Variants in AKR1D1 observed in about 807,000 individuals in gnomAD.
AKR1D1 encodes the protein aldo-keto reductase family 1 member D1.
AKR1D1 carries 32 observed loss-of-function variants against 42.6 expected under a neutral mutation model. That is an observed-to-expected ratio of 0.75 (90% confidence interval 0.57 to 1.01). The LOEUF (loss-of-function observed/expected upper bound fraction) is 1.01, where lower values mean the gene tolerates loss of function less well. Among genes scored for constraint, AKR1D1 ranks in the 50% least tolerant of loss-of-function variants. The pLI is 0.00. For missense variants in AKR1D1, 364 were observed against 402.2 expected, an observed-to-expected ratio of 0.91 and a Z score of 0.81; for synonymous variants, 123 against 135.5, an observed-to-expected ratio of 0.91 and a Z score of 0.64.
intron 1 of AKR1D1, among the ~76,000 whole-genome samples, chr7:138,086,172 C>T (rs557605350): frequency 7.9e-5 from 12 of 152,140 alleles, no homozygotes; most frequent in African/African-American, 2.9e-4. Flanking sequence ...CATTGCACTC[C>T]AGCCTGGGTG....
intron 4 of AKR1D1, among the ~76,000 whole-genome samples, chr7:138,102,540 G>C (rs1585735759): frequency 1.3e-5 from 2 of 152,176 alleles, no homozygotes; most frequent in South Asian, 4.1e-4. Flanking sequence ...CCCAGCCTCA[G>C]TGACAGAGCA....
intron 7 of AKR1D1, among the ~76,000 whole-genome samples, chr7:138,110,656 GGC>G (rs1428166881): frequency 6.6e-6 from 1 of 152,114 alleles, no homozygotes; most frequent in Non-Finnish European, 1.5e-5. Flanking sequence ...AGGAGGCTGA[GGC>G]AGGAGAATCG....
chr7:138,078,642 A>T (rs1802989946), intron 1 of AKR1D1, among the ~76,000 whole-genome samples: 1 of 152,184 alleles, frequency 6.6e-6, no homozygotes, highest in Non-Finnish European at 1.5e-5. Flanking sequence ...ATTGTTTGTT[A>T]TCTCTCCCCC....
intron 7 of AKR1D1, among the ~76,000 whole-genome samples, chr7:138,111,694 G>C (rs972692053): frequency 1.3e-5 from 2 of 152,144 alleles, no homozygotes; most frequent in African/African-American, 4.8e-5. Context: ...ACATGACACA[G>C]AAATAATGTA....
At chr7:138,110,656 G>A (rs1458795583) in intron 7 of AKR1D1, among the ~76,000 whole-genome samples, 1 of 152,114 alleles carries the variant, frequency 6.6e-6, no homozygotes, top group Non-Finnish European at 1.5e-5. Context: ...AGGAGGCTGA[G>A]GCAGGAGAAT....
intron 3 of AKR1D1, among the ~76,000 whole-genome samples, chr7:138,096,621 CTTTCATCCTG>C (rs1398910366): frequency 6.6e-6 from 1 of 152,312 alleles, no homozygotes. Context: ...TCAACAAAGA[CTTTCATCCTG>C]CCAAATTCAA....
chr7:138,087,842 A>T (rs1476700078), intron 1 of AKR1D1, among the ~76,000 whole-genome samples: 3 of 150,274 alleles, frequency 2.0e-5, no homozygotes, highest in Non-Finnish European at 4.4e-5. Context: ...CAGTATAATT[A>T]TTTTGAGATT....
intron 7 of AKR1D1, among the ~76,000 whole-genome samples, 169 bp from the exon 8 acceptor site, chr7:138,113,521 G>C (rs561540829): frequency 9.2e-5 from 14 of 152,228 alleles, no homozygotes; most frequent in Admixed American, 2.0e-4. Context: ...ACAAAGGGCA[G>C]AACAGAGTAT....
chr7:138,107,569 G>T lies in AKR1D1; in HGVS notation c.844G>T (p.Glu282Ter). Residue 282 changes from glutamate to a stop codon, truncating the protein, a stop_gained, in exon 7 of 9, where the codon GAA (glutamate) becomes TAA (stop). Transcript: ENST00000242375. LOFTEE classifies it high-confidence loss of function. ...AAGCTTTAATCTTGAAAGGATCAAA[G>T]AAAATTTTCAGGTAAGAGAATTGCT... ...PKSFNLERIK[E>*]NFQIFDFSLT... 6.2e-7 allele frequency: 1 copy of T among 1,613,730 alleles called. No individual in the cohort carries two copies. Among genetic ancestry groups the T allele is most frequent in the Non-Finnish European group, 8.5e-7 (1 of 1,179,952 alleles).
intron 7 of AKR1D1, among the ~76,000 whole-genome samples, chr7:138,112,601 T>C (rs1315570918): frequency 6.6e-6 from 1 of 152,094 alleles, no homozygotes; most frequent in African/African-American, 2.4e-5. Context: ...GGAAGGGAAA[T>C]AAGAATGGGG....
intron 2 of AKR1D1, 88 bp from the exon 3 acceptor site, chr7:138,091,677 ATGT>A: frequency 9.6e-7 from 1 of 1,039,018 alleles, no homozygotes; most frequent in Admixed American, 1.8e-5. Context: ...AAAAAAAAAA[ATGT>A]GTACGAGTGT....
At chr7:138,111,531 A>G (rs1794536830) in intron 7 of AKR1D1, among the ~76,000 whole-genome samples, 2 of 152,190 alleles carry the variant, frequency 1.3e-5, no homozygotes, top group South Asian at 2.1e-4. Flanking sequence ...TTCTTCAAAC[A>G]TTTACTGAAA....
At chr7:138,103,639 A>AAC (rs1285552549) in intron 4 of AKR1D1, among the ~76,000 whole-genome samples, 1 of 152,118 alleles carries the variant, frequency 6.6e-6, no homozygotes, top group Admixed American at 6.5e-5. Context: ...GGTAAAAAAA[A>AAC]ACACACACTC....
At position 138,116,731 on chromosome 7, in the gene AKR1D1, A is replaced by G; in HGVS notation, c.*69A>G. The G allele has an allele frequency of 7.2e-7, 1 of 1,387,570 alleles. No homozygotes were observed. Among genetic ancestry groups the G allele is most frequent in the South Asian group, 1.2e-5 (1 of 85,816 alleles). The allele number at this position is 1,387,570 out of a possible 1,614,324, so 86.0% of individuals were successfully genotyped here. ...AAGACGGTGCAATGGGTAGTCCCCT[A>G]GATGTGAAAATGAAGAGAGAGGGTT... is the stretch of plus-strand genomic sequence containing the variant. On this transcript the variant is annotated 3_prime_UTR_variant, in exon 9 of 9. Coordinates refer to ENST00000242375, the MANE Select transcript of AKR1D1 (RefSeq NM_005989.4).
chr7:138,102,424 G>A (rs1031684168), intron 4 of AKR1D1, among the ~76,000 whole-genome samples: 4 of 152,014 alleles, frequency 2.6e-5, no homozygotes, highest in Admixed American at 6.6e-5. Flanking sequence ...ACAATTAGTC[G>A]TGCATGGGAG....
At chr7:138,107,890 C>T (rs1212396046) in intron 7 of AKR1D1, among the ~76,000 whole-genome samples, 1 of 151,754 alleles carries the variant, frequency 6.6e-6, no homozygotes, top group Non-Finnish European at 1.5e-5. Flanking sequence ...TGCTATATTG[C>T]CCAGGCTAGT....
chr7:138,116,727 C>A lies in AKR1D1; in HGVS notation c.*65C>A, dbSNP rs914648217. ...TGCCAAGACGGTGCAATGGGTAGTC[C>A]CCTAGATGTGAAAATGAAGAGAGAG... On this transcript the variant is annotated 3_prime_UTR_variant, in exon 9 of 9. Coordinates refer to ENST00000242375, the MANE Select transcript of AKR1D1 (RefSeq NM_005989.4). 3 of 1,406,156 alleles carry A rather than the reference C, an allele frequency of 2.1e-6. No individual in the cohort carries two copies. Among genetic ancestry groups the A allele is most frequent in the Middle Eastern group, 1.7e-4 (1 of 5,728 alleles). The allele number at this position is 1,406,156 out of a possible 1,614,324, so 87.1% of individuals were successfully genotyped here.
rs148100938 is a variant in AKR1D1 at position 138,110,271 on chromosome 7, AAAAAG to A, written c.855+2697_855+2701del. Among the ~76,000 whole-genome samples, 1,405 of 152,306 alleles carry A rather than the reference AAAAAG, an allele frequency of 9.2e-3. 21 individuals carry two copies. Among genetic ancestry groups the A allele is most frequent in the African/African-American group, 0.032 (1,319 of 41,568 alleles). Reference sequence around the variant, plus strand: ...AAGGGAAAAATAAATATTTTGATGAAAAAAGAAAAGCAAAAGAAAATAAAAACTAT... The same window carrying A: ...AAGGGAAAAATAAATATTTTGATGAAAAAAGCAAAAGAAAATAAAAACTAT... On this transcript the variant is annotated intron_variant, in intron 7 of 8. Transcript: ENST00000242375.
chr7:138,096,548 T>C (rs1470396427), intron 3 of AKR1D1, among the ~76,000 whole-genome samples: 1 of 152,202 alleles, frequency 6.6e-6, no homozygotes, highest in Non-Finnish European at 1.5e-5. Context: ...TTCCAACACA[T>C]GAATTAGGGG....
Sources: gnomAD v4.1 joint callset for allele counts (sites outside exome capture counted in the v4.1 genomes callset) on GRCh38, gnomAD v4.1.1 for gene constraint, MANE v1.5 for transcripts, NCBI Gene and HGNC (gene_info 2026-07-23, HGNC 2026-07-21) for gene names.